The following NWD2 variants were observed in gnomAD, a reference collection of about 807,000 sequenced individuals.
NWD2 encodes the protein NACHT and WD repeat domain-containing protein 2.
A neutral mutation model predicts 132.7 loss-of-function variants in NWD2; 37 were observed. The observed-to-expected ratio is 0.28, with a 90% CI of 0.21 to 0.37. NWD2 has a LOEUF of 0.37. Among genes scored for constraint, NWD2 ranks in the 10% least tolerant of loss-of-function variants. NWD2 has a pLI of 1.00. For synonymous variants in NWD2, 705 were observed against 803.0 expected, an observed-to-expected ratio of 0.88 and a Z score of 2.06; for missense variants, 1,592 against 2,122.4, an observed-to-expected ratio of 0.75 and a Z score of 4.91.
chr4:37,443,883 C>T lies in NWD2; in HGVS notation c.1895C>T (p.Ser632Phe). 3 of 1,552,356 alleles carry T rather than the reference C, an allele frequency of 1.9e-6. No individual in the cohort carries two copies. Among genetic ancestry groups the T allele is most frequent in the Non-Finnish European group, 2.6e-6 (3 of 1,147,146 alleles). The change falls in exon 7 of 7, where the codon TCC (serine) becomes TTC (phenylalanine). Residue 632 changes from serine (S) to phenylalanine (F), a missense_variant. Physicochemically the swap from Ser to Phe is radical, Grantham distance 155 (BLOSUM62 -2). Around this residue, in one of 7 missense-constraint regions of NWD2, gnomAD observed 1,071 missense variants for 1,398.0 expected, o/e 0.77. Transcript: ENST00000309447. This position sits in a 1 kb window ranked among gnomAD's most constrained non-coding sequence, Gnocchi z 4.1. ...HWRSHKDVDE[S>F]SLSVTVHESI... ...AGATCTCACAAAGACGTCGATGAAT[C>T]CTCCCTCTCTGTCACCGTTCATGAA...
intron 1 of NWD2, among the ~76,000 whole-genome samples, chr4:37,290,807 T>C (rs2109272059): frequency 6.6e-6 from 1 of 152,330 alleles, no homozygotes; most frequent in African/African-American, 2.4e-5. Context: ...TGAGCCATCA[T>C]CATTTTTGCT....
intron 2 of NWD2, among the ~76,000 whole-genome samples, chr4:37,353,478 C>T (rs1158115212): frequency 6.6e-6 from 1 of 152,180 alleles, no homozygotes; most frequent in East Asian, 1.9e-4. Flanking sequence ...TTTTCAGATA[C>T]ACCAATCAAA....
rs139642358 is a variant in NWD2, at chr4:37,268,350, T to C, written c.151+23132T>C. ...ACCTCCTACTGGAAGCCATTCTGAA[T>C]GAACTTCTAGGGAAATTACTGCTTG... On this transcript the variant is annotated intron_variant, in intron 1 of 6. Transcript: ENST00000309447. Among the ~76,000 whole-genome samples the C allele has an allele frequency of 2.5e-3, 382 of 152,124 alleles. 2 individuals are homozygous for C. The highest frequency in any genetic ancestry group is 3.9e-3 in the Non-Finnish European group (267 of 67,912).
At chr4:37,270,038 T>A (rs1369452656) in intron 1 of NWD2, among the ~76,000 whole-genome samples, 1 of 151,866 alleles carries the variant, frequency 6.6e-6, no homozygotes, top group East Asian at 1.9e-4. Context: ...GATGTTTCAC[T>A]GAGGCTTTAA....
intron 3 of NWD2, among the ~76,000 whole-genome samples, chr4:37,373,012 G>C (rs1038413756): frequency 1.3e-5 from 2 of 152,158 alleles, no homozygotes; most frequent in Admixed American, 6.5e-5. Flanking sequence ...AAATCAAGGA[G>C]GAAATTCAGC....
At chr4:37,339,977 A>G (rs1017708117) in intron 2 of NWD2, among the ~76,000 whole-genome samples, 16 of 150,480 alleles carry the variant, frequency 1.1e-4, no homozygotes, top group African/African-American at 2.7e-4. Context: ...TTCACTGAAG[A>G]TAATGGCCAA....
chr4:37,256,121 AT>A (rs1475128310), intron 1 of NWD2, among the ~76,000 whole-genome samples: 2 of 152,202 alleles, frequency 1.3e-5, no homozygotes, highest in African/African-American at 4.8e-5. Context: ...GTGGGGCCAT[AT>A]TCAGGCTCAG....
At chr4:37,414,987 G>T (rs984288934) in intron 3 of NWD2, among the ~76,000 whole-genome samples, 4 of 152,164 alleles carry the variant, frequency 2.6e-5, no homozygotes, top group Non-Finnish European at 5.9e-5. Flanking sequence ...CTTCTGCTCT[G>T]AACCACTGTC....
At chr4:37,407,303 TG>T (rs1721063718) in intron 3 of NWD2, among the ~76,000 whole-genome samples, 1 of 152,076 alleles carries the variant, frequency 6.6e-6, no homozygotes, top group Non-Finnish European at 1.5e-5. Flanking sequence ...AGAAGGCAAA[TG>T]ACAACAGGAG....
rs757604933 is a variant in NWD2, at chr4:37,443,559, A to G, written c.1571A>G (p.Asp524Gly). 1 of 1,551,830 alleles carries G rather than the reference A, an allele frequency of 6.4e-7. No homozygotes were observed. The highest frequency in any genetic ancestry group is 1.2e-5 in the South Asian group (1 of 84,044). Reference protein sequence around the residue: ...DALEQLSENDDARKLWWLPAH... With the variant: ...DALEQLSENDGARKLWWLPAH... ...CTAGAGCAGCTCTCAGAGAATGATGATGCCAGGAAGCTTTGGTGGCTCCCA... is the reference window on the plus strand; with the variant it reads ...CTAGAGCAGCTCTCAGAGAATGATGGTGCCAGGAAGCTTTGGTGGCTCCCA... Residue 524 changes from aspartate to glycine, a missense_variant, in exon 7 of 7, where the codon GAT becomes GGT. This residue lies in a region of NWD2 where 1,071 missense variants were observed against 1,398.0 expected (regional missense o/e 0.77). Coordinates refer to ENST00000309447, the MANE Select transcript of NWD2 (RefSeq NM_001144990.2). The surrounding 1 kb of genome is among the most constrained non-coding windows in gnomAD (Gnocchi z 4.1).
intron 1 of NWD2, among the ~76,000 whole-genome samples, chr4:37,272,119 G>A (rs547703793): frequency 6.6e-6 from 1 of 151,854 alleles, no homozygotes; most frequent in East Asian, 1.9e-4. Context: ...ATTTTCAAAT[G>A]TTAAAGCAAC....
At chr4:37,299,604 G>A (rs529401912) in intron 1 of NWD2, among the ~76,000 whole-genome samples, 1 of 152,222 alleles carries the variant, frequency 6.6e-6, no homozygotes, top group East Asian at 1.9e-4. Context: ...TGGGGACCCA[G>A]CAATCTTTCC....
intron 3 of NWD2, among the ~76,000 whole-genome samples, chr4:37,401,420 T>C (rs1720893021): frequency 6.6e-6 from 1 of 152,174 alleles, no homozygotes; most frequent in Non-Finnish European, 1.5e-5. Flanking sequence ...GTACTTTTGA[T>C]TCCTCCCTGT....
chr4:37,254,087 A>C (rs571057710), intron 1 of NWD2, among the ~76,000 whole-genome samples: 1 of 152,358 alleles, frequency 6.6e-6, no homozygotes, highest in African/African-American at 2.4e-5. Flanking sequence ...ATCAGGAAAA[A>C]TAACTAATGG....
chr4:37,386,904 C>T (rs553234856), intron 3 of NWD2, among the ~76,000 whole-genome samples: 3 of 152,218 alleles, frequency 2.0e-5, no homozygotes, highest in East Asian at 3.9e-4. Context: ...GTTTCCTCTT[C>T]GTCTTTTGCT....
intron 3 of NWD2, among the ~76,000 whole-genome samples, chr4:37,382,253 G>A (rs546601393): frequency 2.6e-4 from 39 of 152,254 alleles, no homozygotes; most frequent in African/African-American, 8.7e-4. Flanking sequence ...GGAAAGTCCC[G>A]GTTTCCACCT....
intron 2 of NWD2, among the ~76,000 whole-genome samples, chr4:37,341,059 T>TA (rs1441248476): frequency 2.0e-5 from 3 of 152,222 alleles, no homozygotes; most frequent in Non-Finnish European, 4.4e-5. Flanking sequence ...TGGTTTGACT[T>TA]ACGATTTCTT....
At chr4:37,272,466 A>C (rs1157126345) in intron 1 of NWD2, among the ~76,000 whole-genome samples, 1 of 151,816 alleles carries the variant, frequency 6.6e-6, no homozygotes, top group Admixed American at 6.6e-5. Context: ...ATATAGTACA[A>C]GTCAGATTTT....
At chr4:37,267,877 T>C (rs554851105) in intron 1 of NWD2, among the ~76,000 whole-genome samples, 1 of 152,046 alleles carries the variant, frequency 6.6e-6, no homozygotes, top group African/African-American at 2.4e-5. Flanking sequence ...TATACGATTA[T>C]AACTCTGAAA....
Sources: allele counts gnomAD v4.1 joint callset (sites outside exome capture counted in the v4.1 genomes callset), GRCh38; gene constraint gnomAD v4.1.1; regional missense constraint gnomAD v4.1.1; non-coding constraint Gnocchi (gnomAD v3.1); transcripts MANE v1.5; gene names NCBI Gene and HGNC (gene_info 2026-07-23, HGNC 2026-07-21).